The following PLCL1 variants were observed in gnomAD, a reference collection of about 807,000 sequenced individuals.
PLCL1 encodes the protein inactive phospholipase C-like protein 1.
In PLCL1, 41 loss-of-function variants were observed where a neutral mutation model predicts 84.4. The ratio of observed to expected loss-of-function variants is 0.49; its 90% CI spans 0.38 to 0.63. The LOEUF is 0.63. Ranked by LOEUF, PLCL1 falls within the 30% of genes least tolerant of loss-of-function variation. The pLI is 0.00. For missense variants in PLCL1, 1,206 were observed against 1,367.8 expected (o/e 0.88, Z 1.87); for synonymous variants, 490 against 488.3 (o/e 1.00, Z -0.05).
intron 1 of PLCL1, among the ~76,000 whole-genome samples, chr2:197,924,182 AGAGG>A (rs1688789215): frequency 7.1e-6 from 1 of 140,472 alleles, no homozygotes; most frequent in African/African-American, 2.7e-5. Context: ...AGGGAGAGGG[AGAGG>A]CCCCCTTACA....
intron 1 of PLCL1, among the ~76,000 whole-genome samples, chr2:198,003,923 AG>A (rs1690666742): frequency 6.6e-6 from 1 of 152,232 alleles, no homozygotes; most frequent in East Asian, 1.9e-4. Flanking sequence ...ATCCATTAGA[AG>A]GAACTTGACC....
At chr2:197,993,690 C>T (rs891546851) in intron 1 of PLCL1, among the ~76,000 whole-genome samples, 8 of 152,158 alleles carry the variant, frequency 5.3e-5, no homozygotes, top group Admixed American at 4.6e-4. Context: ...TTCTCTAGAA[C>T]CTGTGCTAAC....
intron 1 of PLCL1, among the ~76,000 whole-genome samples, chr2:198,074,565 G>A (rs956897421): frequency 1.3e-5 from 2 of 152,146 alleles, no homozygotes; most frequent in Non-Finnish European, 2.9e-5. Context: ...TGTGAACCTG[G>A]GAGGCGGAGC....
chr2:197,913,880 T>A (rs928978505), intron 1 of PLCL1, among the ~76,000 whole-genome samples: 11 of 150,240 alleles, frequency 7.3e-5, no homozygotes, highest in East Asian at 1.9e-4. Context: ...TGTCTTGGTT[T>A]TATATATATA....
At chr2:198,018,917 C>T (rs1354223909) in intron 1 of PLCL1, among the ~76,000 whole-genome samples, 2 of 152,226 alleles carry the variant, frequency 1.3e-5, no homozygotes, top group African/African-American at 4.8e-5. Context: ...GGGTCCCTGA[C>T]CCTTGTGCCT....
intron 1 of PLCL1, among the ~76,000 whole-genome samples, chr2:197,827,536 C>T (rs962032718): frequency 3.2e-4 from 48 of 151,798 alleles, no homozygotes; most frequent in Admixed American, 1.4e-3. Context: ...AGCTCAGAGT[C>T]GACAAGAGGA....
intron 1 of PLCL1, among the ~76,000 whole-genome samples, chr2:198,050,440 G>A (rs1691900049): frequency 6.6e-6 from 1 of 151,748 alleles, no homozygotes; most frequent in African/African-American, 2.4e-5. Context: ...AGGAGTAAGG[G>A]AAAAAGGGAA....
chr2:198,138,202 C>T (rs138435348), intron 5 of PLCL1, among the ~76,000 whole-genome samples: 119 of 152,182 alleles, frequency 7.8e-4, no homozygotes, highest in African/African-American at 2.7e-3. Context: ...TTTTCTCAGT[C>T]CTTCACGCTG....
At chr2:197,892,109 C>T (rs930416591) in intron 1 of PLCL1, among the ~76,000 whole-genome samples, 45 of 152,174 alleles carry the variant, frequency 3.0e-4, no homozygotes, top group Non-Finnish European at 5.0e-4. Flanking sequence ...ATCCTGTTTA[C>T]TCACGATTTA....
chr2:197,919,191 A>G (rs1402407530), intron 1 of PLCL1, among the ~76,000 whole-genome samples: 1 of 152,190 alleles, frequency 6.6e-6, no homozygotes, highest in Non-Finnish European at 1.5e-5. Context: ...CTGGGAGGAA[A>G]GCAAGTCAGT....
intron 1 of PLCL1, among the ~76,000 whole-genome samples, chr2:198,081,814 T>A (rs544575585): frequency 7.9e-5 from 12 of 152,250 alleles, no homozygotes; most frequent in African/African-American, 2.9e-4. Context: ...AATCATAGGA[T>A]AGGCAAGCTT....
intron 1 of PLCL1, among the ~76,000 whole-genome samples, chr2:197,984,748 T>A (rs1559064993): frequency 6.6e-6 from 1 of 152,142 alleles, no homozygotes; most frequent in Admixed American, 6.5e-5. Context: ...GAATGATTTA[T>A]CTTACTTACT....
In PLCL1 at chr2:198,076,159, T is replaced by C. The variant is rs186854503; in HGVS notation, c.241-7599T>C. On this transcript the variant is annotated intron_variant, in intron 1 of 5. Transcript: ENST00000428675. ...AATCAATGGTACTAACTACCCACTCTGAAATGGACTCTTTTTTTTTTCTCA... is the reference window on the plus strand; with the variant it reads ...AATCAATGGTACTAACTACCCACTCCGAAATGGACTCTTTTTTTTTTCTCA... Among the ~76,000 whole-genome samples, 990 of 129,860 alleles carry C rather than the reference T, an allele frequency of 7.6e-3. 9 individuals carry two copies. The highest frequency in any genetic ancestry group is 0.021 in the South Asian group (77 of 3,728). 85.2% of individuals were successfully genotyped at this position (129,860 alleles called of 152,430 possible). A position where few individuals can be genotyped will look rare whatever the true frequency, so the allele number is the denominator to read the frequency against.
intron 1 of PLCL1, among the ~76,000 whole-genome samples, chr2:197,985,126 T>C (rs73989712): frequency 0.02 from 3,103 of 152,224 alleles, 94 homozygotes; most frequent in African/African-American, 0.072. Flanking sequence ...AATGCTTTGG[T>C]GCAAGCGCAA....
intron 1 of PLCL1, among the ~76,000 whole-genome samples, chr2:197,806,738 T>G (rs539017204): frequency 6.6e-6 from 1 of 152,228 alleles, no homozygotes; most frequent in Non-Finnish European, 1.5e-5. Context: ...AGGAAACACA[T>G]ACATTTTGGA....
intron 1 of PLCL1, among the ~76,000 whole-genome samples, chr2:197,941,886 A>T (rs1037076989): frequency 6.6e-6 from 1 of 152,120 alleles, no homozygotes; most frequent in African/African-American, 2.4e-5. Flanking sequence ...CTACCCACAG[A>T]GATCCCCTGG....
chr2:198,145,180 T>G (rs919629135), intron 5 of PLCL1, among the ~76,000 whole-genome samples: 8 of 152,194 alleles, frequency 5.3e-5, no homozygotes, highest in African/African-American at 1.7e-4. Context: ...CTTCACTTTT[T>G]TTTTTAAATT....
intron 1 of PLCL1, among the ~76,000 whole-genome samples, chr2:197,882,547 C>A (rs533697463): frequency 6.6e-6 from 1 of 152,098 alleles, no homozygotes; most frequent in African/African-American, 2.4e-5. Flanking sequence ...CTAAAGCACT[C>A]AAGGGAGTTT....
chr2:198,076,420 C>T (rs1324092804), intron 1 of PLCL1, among the ~76,000 whole-genome samples: 2 of 152,162 alleles, frequency 1.3e-5, no homozygotes, highest in East Asian at 1.9e-4. Context: ...TAAATTCAGA[C>T]ATAGAACTTA....
Sources: gnomAD v4.1 joint callset for allele counts (sites outside exome capture counted in the v4.1 genomes callset) on GRCh38, gnomAD v4.1.1 for gene constraint, MANE v1.5 for transcripts, NCBI Gene and HGNC (gene_info 2026-07-23, HGNC 2026-07-21) for gene names.